The following PDIA6 variants were observed in gnomAD, a reference collection of about 807,000 sequenced individuals.
The protein encoded by PDIA6 is protein disulfide-isomerase A6.
Under a neutral mutation model 58.4 loss-of-function variants are expected in PDIA6, and 29 were observed. The ratio of observed to expected loss-of-function variants is 0.50; its 90% CI spans 0.37 to 0.68. The LOEUF (loss-of-function observed/expected upper bound fraction) is 0.68. PDIA6 is among the 30% of genes least tolerant of loss of function. PDIA6 has a pLI of 0.00. For missense variants in PDIA6, 480 were observed against 551.0 expected (o/e 0.87, Z 1.29); for synonymous variants, 192 against 202.6 (o/e 0.95, Z 0.44).
intron 6 of PDIA6, among the ~76,000 whole-genome samples, chr2:10,791,312 T>G (rs796780317): frequency 6.6e-5 from 10 of 150,750 alleles, no homozygotes; most frequent in African/African-American, 2.4e-4. Flanking sequence ...CCCAGCCAAT[T>G]TTTTTGTATT....
chr2:10,810,365 C>A, intron 1 of PDIA6: 1 of 1,509,470 alleles, frequency 6.6e-7, no homozygotes, highest in South Asian at 1.3e-5. Flanking sequence ...CTTCTCTTTG[C>A]CAATCAAGGA....
chr2:10,804,517 T>C (rs1666651557), intron 1 of PDIA6, among the ~76,000 whole-genome samples: 1 of 112,194 alleles, frequency 8.9e-6, no homozygotes, highest in Non-Finnish European at 2.2e-5. Context: ...CTCTGTTCTG[T>C]TCCATTGATC....
At chr2:10,837,575 C>G (rs1667853669) in exon 1 of PDIA6, 1 of 816,940 alleles carries the variant, frequency 1.2e-6, no homozygotes. Flanking sequence ...CCTCGGGACA[C>G]TTTGGAGGCA....
intron 1 of PDIA6, chr2:10,820,740 C>T (rs56121730): frequency 0.14 from 100,895 of 702,602 alleles, 8,165 homozygotes; most frequent in Middle Eastern, 0.18. Context: ...TGGGGTGGCC[C>T]GAAGCCAGGG....
chr2:10,787,134 A>G (rs1665804306), intron 11 of PDIA6, 147 bp downstream of exon 11: 3 of 707,478 alleles, frequency 4.2e-6, no homozygotes, highest in African/African-American at 3.6e-5. Flanking sequence ...TAAAAACTCT[A>G]ATGTATAAAC....
At chr2:10,822,675 T>C (rs1486845104) in intron 1 of PDIA6, among the ~76,000 whole-genome samples, 1 of 152,262 alleles carries the variant, frequency 6.6e-6, no homozygotes, top group African/African-American at 2.4e-5. Flanking sequence ...TCACCCTCTA[T>C]ACCATCTAAT....
At chr2:10,810,148 C>A in intron 1 of PDIA6, 1 of 697,904 alleles carries the variant, frequency 1.4e-6, no homozygotes, top group South Asian at 1.6e-5. Context: ...AAACATTTTG[C>A]ATATATTAAG....
chr2:10,824,884 G>T (rs1365619186), intron 1 of PDIA6, among the ~76,000 whole-genome samples: 3 of 152,206 alleles, frequency 2.0e-5, no homozygotes, highest in Admixed American at 1.3e-4. Context: ...GTGTCAACTT[G>T]ATTGGATTGG....
intron 1 of PDIA6, among the ~76,000 whole-genome samples, chr2:10,806,147 C>T (rs1225891684): frequency 6.6e-5 from 10 of 150,994 alleles, no homozygotes; most frequent in Admixed American, 3.3e-4. Flanking sequence ...GCAGGCAGAT[C>T]GCTTGAGCTC....
In PDIA6 at chr2:10,784,224, A is replaced by AAAAG. The variant is rs544797096; in HGVS notation, c.*30_*33dup. 1.7e-4 allele frequency: 272 copies of AAAAG among 1,571,280 alleles called. No individual in the cohort carries two copies. The African/African-American group carries it at 3.2e-3, about 18-fold the overall frequency. On this transcript the variant is annotated 3_prime_UTR_variant, in exon 13 of 13. Transcript: ENST00000272227. ...CTGGAAAAATCCACTGGCTCCCAAG[A>AAAAG]AAAGAAAATGGTCTGAAGCCTCTGT...
Position 10,812,715 on chromosome 2 carries a change from T to C in PDIA6, c.-19A>G. On this transcript the variant is annotated 5_prime_UTR_variant, in exon 1 of 13. Coordinates refer to ENST00000272227, the MANE Select transcript of PDIA6 (RefSeq NM_005742.4). ...GAGCCATGCCGAGCGCCGGGCTACGTGCAGTCCCCACCGCCGCCGCCGCTT... is the reference window on the plus strand; with the variant it reads ...GAGCCATGCCGAGCGCCGGGCTACGCGCAGTCCCCACCGCCGCCGCCGCTT... 3 of 1,513,544 alleles carry C rather than the reference T, an allele frequency of 2.0e-6. No homozygotes were observed. The highest frequency in any genetic ancestry group is 1.2e-5 in the South Asian group (1 of 82,926). The allele number at this position is 1,513,544 out of a possible 1,614,324, so 93.8% of individuals were successfully genotyped here.
intron 6 of PDIA6, among the ~76,000 whole-genome samples, 181 bp downstream of exon 6, chr2:10,791,614 G>C (rs1302031276): frequency 6.6e-6 from 1 of 152,164 alleles, no homozygotes. Context: ...GTTAATCTTT[G>C]GCAATAGGAG....
chr2:10,808,932 T>A (rs909351694), intron 1 of PDIA6, among the ~76,000 whole-genome samples: 3 of 152,162 alleles, frequency 2.0e-5, no homozygotes, highest in African/African-American at 4.8e-5. Context: ...TTCAAGCGAT[T>A]CTCCCGTCTC....
intron 7 of PDIA6, 85 bp from the exon 8 acceptor site, chr2:10,789,974 T>A: frequency 8.1e-7 from 1 of 1,230,412 alleles, no homozygotes. Flanking sequence ...AACCACCTTA[T>A]AGGTAATTTT....
chr2:10,787,787 G>A (rs918881604), intron 10 of PDIA6, among the ~76,000 whole-genome samples: 1 of 152,132 alleles, frequency 6.6e-6, no homozygotes, highest in African/African-American at 2.4e-5. Context: ...GAAGGAGGCT[G>A]GGCACGGTGG....
chr2:10,806,192 A>AC (rs945070547), intron 1 of PDIA6, among the ~76,000 whole-genome samples: 6 of 151,360 alleles, frequency 4.0e-5, no homozygotes, highest in East Asian at 1.9e-4. Context: ...ACATAGTGAG[A>AC]CCCCCTCTCT....
intron 6 of PDIA6, 26 bp from the exon 7 acceptor site, chr2:10,790,859 T>C (rs1405348386): frequency 1.9e-6 from 3 of 1,566,836 alleles, no homozygotes; most frequent in African/African-American, 2.7e-5. Flanking sequence ...CGTTTTGTTT[T>C]GTTTCTTTGA....
At chr2:10,820,772 T>A in intron 1 of PDIA6, 1 of 703,026 alleles carries the variant, frequency 1.4e-6, no homozygotes, top group Non-Finnish European at 2.6e-6. Context: ...TTCACTCACA[T>A]GGCTGGAAGT....
At chr2:10,830,891 T>C (rs4669632) in intron 1 of PDIA6, among the ~76,000 whole-genome samples, 18,904 of 152,164 alleles carry the variant, frequency 0.12, 1,454 homozygotes, top group East Asian at 0.37. Context: ...GTGGTCTCCT[T>C]GGGCGCTTGG....
Sources: allele counts gnomAD v4.1 joint callset (sites outside exome capture counted in the v4.1 genomes callset), GRCh38; gene constraint gnomAD v4.1.1; transcripts MANE v1.5; gene names NCBI Gene and HGNC (gene_info 2026-07-23, HGNC 2026-07-21).